KCNB2: variants seen among roughly 807,000 people sequenced by gnomAD.
KCNB2 encodes potassium voltage-gated channel subfamily B member 2, also known as delayed rectifier potassium channel protein.
In KCNB2, 15 loss-of-function variants were observed where a neutral mutation model predicts 61.5. The observed-to-expected ratio is 0.24, with a 90% CI of 0.16 to 0.38. KCNB2 has a LOEUF of 0.38. Among genes scored for constraint, KCNB2 ranks in the 10% least tolerant of loss-of-function variants. The probability of loss-of-function intolerance (pLI) is 1.00; values close to 1 mark genes in which losing one functional copy is unlikely to be tolerated. For missense variants in KCNB2, 828 were observed against 1,125.2 expected (o/e 0.74, Z 3.78); for synonymous variants, 457 against 446.0 (o/e 1.02, Z -0.31).
intron 2 of KCNB2, among the ~76,000 whole-genome samples, chr8:72,648,349 G>T (rs925422674): frequency 6.6e-6 from 1 of 152,166 alleles, no homozygotes; most frequent in Admixed American, 6.5e-5. Flanking sequence ...TTGGAAGAAA[G>T]TATCAGTGGT....
At chr8:72,601,480 T>C (rs1169947514) in intron 2 of KCNB2, among the ~76,000 whole-genome samples, 1 of 152,176 alleles carries the variant, frequency 6.6e-6, no homozygotes, top group Non-Finnish European at 1.5e-5. Context: ...CATCCAGCAG[T>C]AATATTAGAA....
intron 2 of KCNB2, among the ~76,000 whole-genome samples, chr8:72,860,714 A>C (rs1184251633): frequency 6.6e-6 from 1 of 152,226 alleles, no homozygotes; most frequent in East Asian, 1.9e-4. Flanking sequence ...AGCATAAGGA[A>C]ATCAAGAGGC....
chr8:72,702,364 A>G (rs557818501), intron 2 of KCNB2, among the ~76,000 whole-genome samples: 1 of 152,288 alleles, frequency 6.6e-6, no homozygotes, highest in African/African-American at 2.4e-5. Context: ...CATGAGCAGC[A>G]CTGCTCATCT....
At chr8:72,889,471 T>C (rs1805860650) in intron 2 of KCNB2, among the ~76,000 whole-genome samples, 1 of 152,084 alleles carries the variant, frequency 6.6e-6, no homozygotes, top group African/African-American at 2.4e-5. Flanking sequence ...GAGGACTGCT[T>C]GCATCCAGGA....
At chr8:72,804,380 T>A (rs1369161952) in intron 2 of KCNB2, among the ~76,000 whole-genome samples, 2 of 152,118 alleles carry the variant, frequency 1.3e-5, no homozygotes, top group African/African-American at 2.4e-5. Flanking sequence ...CTATTTTGCA[T>A]TATAAAGTAT....
chr8:72,739,549 A>T (rs139196147), intron 2 of KCNB2, among the ~76,000 whole-genome samples: 1 of 152,036 alleles, frequency 6.6e-6, no homozygotes, highest in Non-Finnish European at 1.5e-5. Context: ...AGCAAAAGCG[A>T]GTGGAAGTGC....
chr8:72,749,719 A>ATG (rs1008033298), intron 2 of KCNB2, among the ~76,000 whole-genome samples: 81 of 147,000 alleles, frequency 5.5e-4, no homozygotes, highest in African/African-American at 2.0e-3. Context: ...AGTAATATAT[A>ATG]TATATAATAT....
chr8:72,846,104 C>T (rs139168068), intron 2 of KCNB2, among the ~76,000 whole-genome samples: 3,507 of 152,194 alleles, frequency 0.023, 151 homozygotes, highest in African/African-American at 0.081. Context: ...TCCTGGTCTG[C>T]GGGTTGTGAA....
At chr8:72,875,336 C>G (rs1403919087) in intron 2 of KCNB2, 2 of 152,300 alleles carry the variant, frequency 1.3e-5, no homozygotes, top group Non-Finnish European at 2.9e-5. Context: ...CCAGCAACAT[C>G]AGAACCACCT....
chr8:72,838,897 T>C (rs1731015808), intron 2 of KCNB2, among the ~76,000 whole-genome samples: 1 of 152,250 alleles, frequency 6.6e-6, no homozygotes, highest in Non-Finnish European at 1.5e-5. Flanking sequence ...CAATCCTCAC[T>C]CTACTTTTTT....
At chr8:72,785,384 A>G (rs546959223) in intron 2 of KCNB2, among the ~76,000 whole-genome samples, 2 of 152,320 alleles carry the variant, frequency 1.3e-5, no homozygotes, top group South Asian at 2.1e-4. Flanking sequence ...TCCATTTCTT[A>G]TATTTCCCTA....
At position 72,537,474 on chromosome 8, in the gene KCNB2, G is replaced by T. The variant is rs1016736912; in HGVS notation, c.-505G>T. The stretch of plus-strand genomic sequence containing the variant: ...CGCTTTCTGGCTCCTTCCGCGCGGC[G>T]AGCTCAGCCCCGCTCGATTTTTCCT... On this transcript the variant is annotated 5_prime_UTR_variant, in exon 1 of 3. Coordinates refer to ENST00000523207, the MANE Select transcript of KCNB2 (RefSeq NM_004770.3). The T allele has an allele frequency of 6.6e-6, 1 of 152,394 alleles. No homozygotes were observed. The highest frequency in any genetic ancestry group is 1.5e-5 in the Non-Finnish European group (1 of 68,018). 9.4% of individuals were successfully genotyped at this position (152,394 alleles called of 1,614,324 possible).
chr8:72,927,575 C>T (rs1806678112), intron 2 of KCNB2, among the ~76,000 whole-genome samples: 1 of 152,136 alleles, frequency 6.6e-6, no homozygotes, highest in Admixed American at 6.6e-5. Context: ...CGACCCCCAA[C>T]TCTTTTCTGT....
At chr8:72,751,293 C>G (rs1397302025) in intron 2 of KCNB2, 4 of 152,062 alleles carry the variant, frequency 2.6e-5, no homozygotes, top group Admixed American at 2.6e-4. Context: ...ATGGACCACT[C>G]TATTAAACAC....
At chr8:72,677,993 T>C (rs900695020) in intron 2 of KCNB2, among the ~76,000 whole-genome samples, 2 of 152,214 alleles carry the variant, frequency 1.3e-5, no homozygotes, top group Non-Finnish European at 1.5e-5. Flanking sequence ...ACTAGACATC[T>C]ATGTGTGTCA....
chr8:72,742,666 CG>C (rs1362553117), intron 2 of KCNB2, among the ~76,000 whole-genome samples: 1 of 152,130 alleles, frequency 6.6e-6, no homozygotes, highest in Non-Finnish European at 1.5e-5. Flanking sequence ...ATCAGAAGAA[CG>C]TTTCCTGTCC....
chr8:72,746,398 T>C (rs748460964), intron 2 of KCNB2, among the ~76,000 whole-genome samples: 1 of 152,176 alleles, frequency 6.6e-6, no homozygotes, highest in Non-Finnish European at 1.5e-5. Flanking sequence ...AGAACCTCAA[T>C]GTCCTTAACA....
chr8:72,881,879 T>C (rs1002099426), intron 2 of KCNB2: 3 of 152,166 alleles, frequency 2.0e-5, no homozygotes, highest in African/African-American at 7.2e-5. Flanking sequence ...AAAGAGCCAG[T>C]GAAAACCACT....
intron 2 of KCNB2, among the ~76,000 whole-genome samples, chr8:72,842,850 C>A (rs1563401528): frequency 6.6e-6 from 1 of 152,092 alleles, no homozygotes; most frequent in Non-Finnish European, 1.5e-5. Context: ...GTCTGGCTAG[C>A]AGTCCATCTA....
Sources: allele counts gnomAD v4.1 joint callset (sites outside exome capture counted in the v4.1 genomes callset), GRCh38; gene constraint gnomAD v4.1.1; transcripts MANE v1.5; gene names NCBI Gene and HGNC (gene_info 2026-07-23, HGNC 2026-07-21).